Variants in CENPW observed in about 807,000 individuals in gnomAD.
CENPW encodes the protein cancer-up-regulated gene 2 protein.
A neutral mutation model predicts 11.1 loss-of-function variants in CENPW; 3 were observed. The observed-to-expected ratio is 0.27, with a 90% CI of 0.12 to 0.70. The LOEUF is 0.70. Among genes scored for constraint, CENPW ranks in the 30% least tolerant of loss-of-function variants. The pLI is 0.77. For synonymous variants in CENPW, 38 were observed against 42.0 expected (o/e 0.91, Z 0.37); for missense variants, 100 against 105.6 (o/e 0.95, Z 0.23).
At chr6:126,455,083 C>A in the CENPW span, among the ~76,000 whole-genome samples, 2 of 151,066 alleles carry the variant, frequency 1.3e-5, no homozygotes, top group Non-Finnish European at 3.0e-5. Flanking sequence ...GTTAGAAAGT[C>A]TACCAACCAG....
At chr6:126,397,511 A>C in the CENPW span, among the ~76,000 whole-genome samples, 5 of 152,292 alleles carry the variant, frequency 3.3e-5, no homozygotes, top group East Asian at 9.6e-4. Flanking sequence ...TAAAATTATT[A>C]CAAAACCAGA....
chr6:126,400,050 A>G, the CENPW span, among the ~76,000 whole-genome samples: 1 of 152,108 alleles, frequency 6.6e-6, no homozygotes, highest in Non-Finnish European at 1.5e-5. Flanking sequence ...TTAAAAATAA[A>G]ACTGTTATGA....
chr6:126,395,704 A>G, the CENPW span, among the ~76,000 whole-genome samples: 2 of 152,078 alleles, frequency 1.3e-5, no homozygotes, highest in Admixed American at 1.3e-4. Context: ...CAGGTATTCA[A>G]AGGGACTTGG....
chr6:126,452,644 AATG>A, the CENPW span, among the ~76,000 whole-genome samples: 123 of 151,100 alleles, frequency 8.1e-4, no homozygotes, highest in Non-Finnish European at 1.1e-3. Context: ...CCTGTGGAGC[AATG>A]ATAAAATATC....
At chr6:126,467,431 G>C in the CENPW span, among the ~76,000 whole-genome samples, 1 of 151,922 alleles carries the variant, frequency 6.6e-6, no homozygotes, top group Non-Finnish European at 1.5e-5. Flanking sequence ...GGAAAACTAC[G>C]AAGTAAGGAA....
the CENPW span, among the ~76,000 whole-genome samples, chr6:126,411,825 G>T: frequency 6.6e-6 from 1 of 151,972 alleles, no homozygotes; most frequent in African/African-American, 2.4e-5. Flanking sequence ...ATTTTCTTAG[G>T]TTTTTGTTTA....
At chr6:126,370,045 A>T in the CENPW span, among the ~76,000 whole-genome samples, 1 of 151,770 alleles carries the variant, frequency 6.6e-6, no homozygotes, top group Non-Finnish European at 1.5e-5. Flanking sequence ...TCCCCACTTT[A>T]TGTTTTTGTT....
the CENPW span, among the ~76,000 whole-genome samples, chr6:126,382,243 AT>A: frequency 5.3e-5 from 8 of 150,088 alleles, no homozygotes; most frequent in South Asian, 2.1e-4. Flanking sequence ...CTCAAAAAAA[AT>A]ATATATATAT....
At chr6:126,344,103 G>T (rs1780364110) in intron 1 of CENPW, among the ~76,000 whole-genome samples, 1 of 152,192 alleles carries the variant, frequency 6.6e-6, no homozygotes, top group African/African-American at 2.4e-5. Flanking sequence ...TGCCTACTAT[G>T]TATTAAGCAA....
the CENPW span, among the ~76,000 whole-genome samples, chr6:126,465,316 C>T: frequency 6.6e-6 from 1 of 151,964 alleles, no homozygotes; most frequent in Non-Finnish European, 1.5e-5. Flanking sequence ...ATAAACCTAA[C>T]AAAACATATG....
chr6:126,382,447 T>A, the CENPW span, among the ~76,000 whole-genome samples: 1 of 152,042 alleles, frequency 6.6e-6, no homozygotes, highest in South Asian at 2.1e-4. Context: ...TGGGCTGAGA[T>A]GGCTGAAATG....
chr6:126,440,242 G>A, the CENPW span, among the ~76,000 whole-genome samples: 7 of 151,678 alleles, frequency 4.6e-5, no homozygotes, highest in East Asian at 3.9e-4. Context: ...AGCTCTAAAC[G>A]TAGCCATAAG....
At chr6:126,346,131 C>T in intron 1 of CENPW, 74 bp from the exon 2 acceptor site, 2 of 731,084 alleles carry the variant, frequency 2.7e-6, no homozygotes, top group Non-Finnish European at 4.5e-6. Flanking sequence ...TTTGAGATAA[C>T]TAATTTTTAA....
the CENPW span, among the ~76,000 whole-genome samples, chr6:126,412,582 T>C: frequency 6.6e-6 from 1 of 152,148 alleles, no homozygotes; most frequent in East Asian, 1.9e-4. Flanking sequence ...GTGTGACTAA[T>C]GTGTGTGTAT....
the CENPW span, among the ~76,000 whole-genome samples, chr6:126,361,304 T>C: frequency 5.3e-5 from 8 of 152,070 alleles, no homozygotes; most frequent in African/African-American, 1.9e-4. Context: ...TCTTTCTTTC[T>C]TTTTTTCTTT....
chr6:126,340,532 T>G (rs927166520), intron 1 of CENPW, 133 bp downstream of exon 1: 22 of 1,309,288 alleles, frequency 1.7e-5, no homozygotes, highest in Non-Finnish European at 2.2e-5. Flanking sequence ...GTTCCAACAA[T>G]GACAGGGAAC....
the CENPW span, among the ~76,000 whole-genome samples, chr6:126,445,337 G>C: frequency 6.6e-6 from 1 of 151,022 alleles, no homozygotes; most frequent in Non-Finnish European, 1.5e-5. Flanking sequence ...ATAAAATTTT[G>C]TTTTGTCATT....
chr6:126,382,229 C>A, the CENPW span, among the ~76,000 whole-genome samples: 42 of 151,288 alleles, frequency 2.8e-4, no homozygotes, highest in Admixed American at 1.6e-3. Flanking sequence ...GAGCGAAAAT[C>A]CATCTCAAAA....
At chr6:126,367,016 A>G in the CENPW span, among the ~76,000 whole-genome samples, 4 of 152,074 alleles carry the variant, frequency 2.6e-5, no homozygotes, top group Admixed American at 2.0e-4. Flanking sequence ...CTACCTTTCC[A>G]CACTGTTGTA....
Sources: gnomAD v4.1 joint callset for allele counts (sites outside exome capture counted in the v4.1 genomes callset) on GRCh38, gnomAD v4.1.1 for gene constraint, MANE v1.5 for transcripts, NCBI Gene and HGNC (gene_info 2026-07-23, HGNC 2026-07-21) for gene names.